Variants in IL32 observed in about 807,000 individuals in gnomAD.
IL32 encodes interleukin-32.
A neutral mutation model predicts 16.6 loss-of-function variants in IL32; 30 were observed. That is an observed-to-expected ratio of 1.81 (90% confidence interval 1.35 to 2.45). IL32 has a LOEUF of 2.45. IL32 is among the 30% of genes most tolerant of loss of function. The pLI is 0.00. For synonymous variants in IL32, 70 were observed against 86.1 expected (o/e 0.81, Z 1.03); for missense variants, 234 against 229.8 (o/e 1.02, Z -0.12).
intron 3 of IL32, 38 bp from the exon 4 acceptor site, chr16:3,067,516 A>G: frequency 6.2e-7 from 1 of 1,613,990 alleles, no homozygotes; most frequent in East Asian, 2.2e-5. Flanking sequence ...AGGGACAAGG[A>G]TCCGGCCCTT....
Position 3,069,385 on chromosome 16 carries a change from T to C in IL32, c.*30T>C. ...ACTGACACCACCTTTGCCCTCCCCGTCACCGCGCACCCACCCTGACCCCTC... is the reference window on the plus strand; with the variant it reads ...ACTGACACCACCTTTGCCCTCCCCGCCACCGCGCACCCACCCTGACCCCTC... On this transcript the variant is annotated 3_prime_UTR_variant, in exon 7 of 7. Transcript: ENST00000525643. The C allele has an allele frequency of 6.4e-7, 1 of 1,559,508 alleles. No homozygotes were observed. The highest frequency in any genetic ancestry group is 8.7e-7 in the Non-Finnish European group (1 of 1,151,454).
chr16:3,065,516 T>C, upstream of IL32: 2 of 532,258 alleles, frequency 3.8e-6, no homozygotes, highest in East Asian at 3.2e-5. Flanking sequence ...TCTCTGTCTG[T>C]CTCTGTCTCT....
In IL32 at chr16:3,068,195, G is replaced by T. The variant is rs776886763; in HGVS notation, c.157G>T (p.Gly53Cys). 14 of 1,604,380 alleles carry T rather than the reference G, an allele frequency of 8.7e-6. No individual in the cohort carries two copies. In the African/African-American group the frequency reaches 1.7e-4, roughly 20 times the overall value. Residue 53 changes from glycine (G) to cysteine (C), a missense_variant, in exon 6 of 7, where the codon GGC becomes TGC. Gly to Cys is a radical substitution (Grantham distance 159, BLOSUM62 -3). Around this residue, in one of 3 missense-constraint regions of IL32, gnomAD observed 137 missense variants for 80.7 expected, o/e 1.70. Transcript: ENST00000525643. ...LAELEDDFKEGYLETVAAYYE... is the reference protein window; with the variant it reads ...LAELEDDFKECYLETVAAYYE... The stretch of plus-strand genomic sequence containing the variant: ...CTCTCCCCAGGACGACTTCAAAGAG[G>T]GCTACCTGGAGACAGTGGCGGCTTA...
In IL32 at chr16:3,067,573, T is replaced by C; in HGVS notation, c.74T>C (p.Phe25Ser). The C allele has an allele frequency of 1.9e-6, 3 of 1,613,990 alleles. No homozygotes were observed. In the East Asian group the frequency reaches 6.7e-5, roughly 36 times the overall value. The change falls in exon 4 of 7, where the codon TTT (phenylalanine) becomes TCT (serine). Residue 25 changes from phenylalanine to serine, a missense_variant. Around this residue, in one of 3 missense-constraint regions of IL32, gnomAD observed 137 missense variants for 80.7 expected, o/e 1.70. Transcript: ENST00000525643. ...TCACAGCACCAGGCCATAGAAAGAT[T>C]TTATGATAAAATGCAAAATGCAGAA... ...KARMHQAIER[F>S]YDKMQNAESG...
intron 2 of IL32, among the ~76,000 whole-genome samples, chr16:3,067,138 T>C (rs956521579): frequency 3.3e-5 from 5 of 150,720 alleles, no homozygotes; most frequent in African/African-American, 7.4e-5. Context: ...CTCTTGGGCC[T>C]GCCCAGCTGA....
In IL32 at chr16:3,067,791, C is replaced by T. The variant is rs187682429; in HGVS notation, c.114+178C>T. 849 of 811,894 alleles carry T rather than the reference C, an allele frequency of 1.0e-3. 1 individual carries two copies. Among genetic ancestry groups the T allele is most frequent in the Middle Eastern group, 8.3e-3 (24 of 2,888 alleles). The allele number at this position is 811,894 out of a possible 1,614,324, so 50.3% of individuals were successfully genotyped here. A position where few individuals can be genotyped will look rare whatever the true frequency, so the allele number is the denominator to read the frequency against. On this transcript the variant is annotated intron_variant, in intron 4 of 6. Transcript: ENST00000525643. The stretch of plus-strand genomic sequence containing the variant: ...TGGGCGGGTGGGGGATCTGGACGCC[C>T]GGGGAGACTGAGGGAGGCATCCAAG...
At position 3,069,168 on chromosome 16, in the gene IL32, T is replaced by C. The variant is rs1458918624; in HGVS notation, c.380T>C (p.Leu127Pro). The change falls in exon 7 of 7, where the codon CTG (leucine) becomes CCG (proline). Residue 127 changes from leucine to proline, a missense_variant. Leu to Pro is a moderately conservative substitution (Grantham distance 98, BLOSUM62 -3). Around this residue, in one of 3 missense-constraint regions of IL32, gnomAD observed 44 missense variants for 103.1 expected, o/e 0.43. Coordinates refer to ENST00000525643, the MANE Select transcript of IL32 (RefSeq NM_001376923.1). ...QRLQTWWHGV[L>P]AWVKEKVVAL... ...CTGCAGACCTGGTGGCACGGGGTTC[T>C]GGCCTGGGTGAAGGAGAAGGTGGTG... The C allele has an allele frequency of 1.1e-5, 18 of 1,613,596 alleles. No homozygotes were observed. The African/African-American group carries it at 1.7e-4, about 16-fold the overall frequency.
intron 6 of IL32, among the ~76,000 whole-genome samples, 171 bp from the exon 7 acceptor site, chr16:3,068,819 G>A (rs887118611): frequency 1.3e-5 from 2 of 152,198 alleles, no homozygotes; most frequent in South Asian, 2.1e-4. Flanking sequence ...GAATGCAGAG[G>A]AGGGGGACTC....
chr16:3,067,269 CTCTGTGTGTGTGTGT>C (rs1956455870), intron 2 of IL32, 93 bp from the exon 3 acceptor site: 1 of 391,516 alleles, frequency 2.6e-6, no homozygotes, highest in Admixed American at 4.4e-5. Flanking sequence ...TGCCATGTGT[CTCTGTGTGTGTGTGT>C]GTGTGTGTGT....
chr16:3,067,712 C>T (rs1469925542), intron 4 of IL32, 99 bp downstream of exon 4: 2 of 987,160 alleles, frequency 2.0e-6, no homozygotes, highest in Non-Finnish European at 3.1e-6. Flanking sequence ...GAGGGACCCA[C>T]AGGCTCCCTC....
chr16:3,065,455 C>G (rs1487927130), upstream of IL32: 3 of 377,270 alleles, frequency 8.0e-6, no homozygotes, highest in Non-Finnish European at 1.5e-5. Context: ...GGGACGGACC[C>G]TCATTCCTCC....
Position 3,067,287 on chromosome 16 carries a change from G to C in IL32, c.16-90G>C, listed in dbSNP as rs776523987. 1,550 of 551,534 alleles carry C rather than the reference G, an allele frequency of 2.8e-3. 10 individuals carry two copies. The highest frequency in any genetic ancestry group is 5.1e-3 in the Admixed American group (134 of 26,348). 34.2% of individuals were successfully genotyped at this position (551,534 alleles called of 1,614,324 possible). A position where few individuals can be genotyped will look rare whatever the true frequency, so the allele number is the denominator to read the frequency against. On this transcript the variant is annotated intron_variant, in intron 2 of 6. Coordinates refer to ENST00000525643, the MANE Select transcript of IL32 (RefSeq NM_001376923.1). ...CATGTGTCTCTGTGTGTGTGTGTGT[G>C]TGTGTGTGTGTGTGTGTGTGTGTAT...
chr16:3,067,410 CG>C lies in IL32; in HGVS notation c.50del (p.Arg17GlnfsTer6). On this transcript the variant is annotated frameshift_variant, in exon 3 of 7. Transcript: ENST00000525643. LOFTEE classifies it high-confidence loss of function. ...LSDDMKKLKARMHQAIERFYD... is the reference protein window; with the variant it reads ...LSDDMKKLKAXMHQAIERFYD... ...TGATGACATGAAGAAGCTGAAGGCC[CG>C]AATGGTAATGCTCCTCCCTACTTCT... 6.3e-7 allele frequency: 1 copy of C among 1,575,424 alleles called. No homozygotes were observed. The highest frequency in any genetic ancestry group is 8.6e-7 in the Non-Finnish European group (1 of 1,159,868).
chr16:3,067,622 A>C lies in IL32; in HGVS notation c.114+9A>C, dbSNP rs768197879. ...AATCAGGACGTGGACAGGTGGGTGG[A>C]TTTCCCCTCAGGCACCAGGTCACAT... On this transcript the variant is annotated intron_variant, in intron 4 of 6. Transcript: ENST00000525643. The C allele has an allele frequency of 6.3e-7, 1 of 1,594,778 alleles. No homozygotes were observed. The highest frequency in any genetic ancestry group is 2.2e-5 in the East Asian group (1 of 44,796).
Position 3,065,821 on chromosome 16 carries a change from C to T in IL32, c.10C>T (p.Pro4Ser), listed in dbSNP as rs1411811415. The change falls in exon 2 of 7, where the codon CCG becomes TCG. Residue 4 changes from proline (P) to serine (S), a missense_variant. Physicochemically the swap from Pro to Ser is moderately conservative, Grantham distance 74. Coordinates refer to ENST00000525643, the MANE Select transcript of IL32 (RefSeq NM_001376923.1). ...TGAACTTTTGGCCGCCATGTGCTTC[C>T]CGAAGGTGAGTGAGAGGCTGCGTGT... MCF[P>S]KVLSDDMKKL... The T allele has an allele frequency of 1.2e-6, 2 of 1,614,128 alleles. No individual in the cohort carries two copies. The highest frequency in any genetic ancestry group is 1.1e-5 in the South Asian group (1 of 91,084).
At chr16:3,065,876 G>A (rs376408189) in intron 2 of IL32, 50 bp downstream of exon 2, 109 of 1,610,282 alleles carry the variant, frequency 6.8e-5, no homozygotes, top group African/African-American at 5.3e-4. Context: ...AAAACAGACC[G>A]TAAGGGTGCG....
intron 4 of IL32, 130 bp from the exon 5 acceptor site, chr16:3,067,854 C>T (rs575002602): frequency 3.9e-5 from 43 of 1,107,610 alleles, no homozygotes; most frequent in African/African-American, 2.9e-4. Flanking sequence ...GGGTGCCAGA[C>T]GTGGCCCGGG....
rs1234019073 is a variant in IL32, at chr16:3,067,305, G to GTGTGTGTGTGTA, written c.16-67_16-66insGTGTGTATGTGT. On this transcript the variant is annotated intron_variant, in intron 2 of 6. Coordinates refer to ENST00000525643, the MANE Select transcript of IL32 (RefSeq NM_001376923.1). ...TGTGTGTGTGTGTGTGTGTGTGTGT[G>GTGTGTGTGTGTA]TGTGTATAAATTATCCTGGAGGAAA... is the stretch of plus-strand genomic sequence containing the variant. 2.2e-5 allele frequency: 16 copies of GTGTGTGTGTGTA among 722,214 alleles called. No homozygotes were observed. The Middle Eastern group carries it at 1.6e-3, about 72-fold the overall frequency. 44.7% of individuals were successfully genotyped at this position (722,214 alleles called of 1,614,324 possible).
rs1744270414 is a variant in IL32, at chr16:3,066,905, C to T, written c.16-472C>T. Among the ~76,000 whole-genome samples the T allele has an allele frequency of 1.3e-5, 2 of 151,142 alleles. 1 individual carries two copies. The highest frequency in any genetic ancestry group is 3.0e-5 in the Non-Finnish European group (2 of 67,666). ...GGGGGGTGTGTGTGTGCAGGGAGGA[C>T]ACCCCGGCCCACGCAGGCCCTGCTC... On this transcript the variant is annotated intron_variant, in intron 2 of 6. Transcript: ENST00000525643.
Sources: gnomAD v4.1 joint callset for allele counts (sites outside exome capture counted in the v4.1 genomes callset) on GRCh38, gnomAD v4.1.1 for gene constraint, gnomAD v4.1.1 regional missense constraint, MANE v1.5 for transcripts, NCBI Gene and HGNC (gene_info 2026-07-23, HGNC 2026-07-21) for gene names.